The following P2RY8 variants were observed in gnomAD, a reference collection of about 807,000 sequenced individuals.
The protein encoded by P2RY8 is P2Y receptor family member 8.
A neutral mutation model predicts 10.0 loss-of-function variants in P2RY8; 6 were observed. That is an observed-to-expected ratio of 0.60 (90% CI 0.33 to 1.19). The LOEUF is 1.19. P2RY8 is among the 50% of genes most tolerant of loss of function. P2RY8 has a pLI of 0.04. For synonymous variants in P2RY8, 276 were observed against 252.5 expected (o/e 1.09, Z -0.88); for missense variants, 456 against 542.0 (o/e 0.84, Z 1.58).
chrX:1,507,601 G>A (rs1200878238), intron 1 of P2RY8, among the ~76,000 whole-genome samples: 1 of 152,114 alleles, frequency 6.6e-6, no homozygotes, highest in Non-Finnish European at 1.5e-5. Context: ...GAGGCTCGGG[G>A]CCGTGACGGC....
At position 1,463,652 on chromosome X, in the gene P2RY8, G is replaced by A; in HGVS notation, c.*1827C>T. ...GGTTCTGGGCTTTAAAACAAGACAT[G>A]TCTTTCTGGGGCAACTGTTTAGTGC... On this transcript the variant is annotated 3_prime_UTR_variant, in exon 2 of 2. Coordinates refer to ENST00000381297, the MANE Select transcript of P2RY8 (RefSeq NM_178129.5). The A allele has an allele frequency of 4.3e-6, 1 of 232,254 alleles. No homozygotes were observed. The highest frequency in any genetic ancestry group is 6.1e-5 in the East Asian group (1 of 16,472). The allele number at this position is 232,254 out of a possible 1,614,324, so 14.4% of individuals were successfully genotyped here. A position where few individuals can be genotyped will look rare whatever the true frequency, so the allele number is the denominator to read the frequency against.
In P2RY8 at chrX:1,506,141, C is replaced by T. The variant is rs190460209; in HGVS notation, c.-25+30780G>A. Reference sequence around the variant, plus strand: ...CCTAGTAGCTGGGATTATAGGCACCCGCCACCACACCTGGCTAATTTTTGT... The same window carrying T: ...CCTAGTAGCTGGGATTATAGGCACCTGCCACCACACCTGGCTAATTTTTGT... On this transcript the variant is annotated intron_variant, in intron 1 of 1. Coordinates refer to ENST00000381297, the MANE Select transcript of P2RY8 (RefSeq NM_178129.5). 5.6e-4 allele frequency among the ~76,000 whole-genome samples: 85 copies of T among 151,842 alleles called. 3 individuals carry two copies. In the East Asian group the frequency reaches 0.014, roughly 25 times the overall value.
At chrX:1,504,245 G>A (rs764721683) in intron 1 of P2RY8, among the ~76,000 whole-genome samples, 2 of 152,126 alleles carry the variant, frequency 1.3e-5, no homozygotes, top group South Asian at 4.1e-4. Flanking sequence ...GAACCCGGGA[G>A]GCGGAGGTTG....
At chrX:1,532,606 G>A (rs2092487578) in intron 1 of P2RY8, among the ~76,000 whole-genome samples, 1 of 151,864 alleles carries the variant, frequency 6.6e-6, no homozygotes, top group African/African-American at 2.4e-5. Context: ...GGATGAGATT[G>A]GAGACTATTA....
chrX:1,498,392 C>A (rs371187964), intron 1 of P2RY8, among the ~76,000 whole-genome samples: 1 of 115,964 alleles, frequency 8.6e-6, no homozygotes, highest in African/African-American at 3.3e-5. Context: ...GGCGACAGAG[C>A]GAGACTCTGT....
At chrX:1,524,556 T>G (rs1340878541) in intron 1 of P2RY8, among the ~76,000 whole-genome samples, 1 of 107,272 alleles carries the variant, frequency 9.3e-6, no homozygotes, top group African/African-American at 3.6e-5. Flanking sequence ...CATCCATGCA[T>G]GCATCCATCC....
In P2RY8 at chrX:1,505,041, G is replaced by A. The variant is rs2092218217; in HGVS notation, c.-25+31880C>T. The stretch of plus-strand genomic sequence containing the variant: ...TAGTCCCAGCTACTTGGGAGGCTGA[G>A]GCAGGAGAATGGCGTGAACCCGGGA... On this transcript the variant is annotated intron_variant, in intron 1 of 1. Coordinates refer to ENST00000381297, the MANE Select transcript of P2RY8 (RefSeq NM_178129.5). Among the ~76,000 whole-genome samples, 3 of 151,262 alleles carry A rather than the reference G, an allele frequency of 2.0e-5. No individual in the cohort carries two copies. In the Admixed American group the frequency reaches 2.0e-4, roughly 10 times the overall value.
At chrX:1,486,417 C>G (rs1768621412) in intron 1 of P2RY8, among the ~76,000 whole-genome samples, 1 of 152,182 alleles carries the variant, frequency 6.6e-6, no homozygotes. Flanking sequence ...CGAGGCTACA[C>G]TGTGGATGAA....
At position 1,466,430 on chromosome X, in the gene P2RY8, G is replaced by C. The variant is rs1183641761; in HGVS notation, c.129C>G (p.Phe43Leu). Residue 43 changes from phenylalanine (F) to leucine (L), a missense_variant, in exon 2 of 2, where the codon TTC (phenylalanine) becomes TTG (leucine). Transcript: ENST00000381297. ...VAAVSIPGNLFSLWVLCRRMG... is the reference protein window; with the variant it reads ...VAAVSIPGNLLSLWVLCRRMG... ...TGCGCCGGCACAGCACCCACAGAGA[G>C]AAGAGGTTGCCCGGGATGCTGACCG... 1 of 1,613,194 alleles carries C rather than the reference G, an allele frequency of 6.2e-7. No homozygotes were observed. The highest frequency in any genetic ancestry group is 8.5e-7 in the Non-Finnish European group (1 of 1,179,848).
At chrX:1,487,198 G>A (rs1158205643) in intron 1 of P2RY8, among the ~76,000 whole-genome samples, 10 of 152,172 alleles carry the variant, frequency 6.6e-5, no homozygotes, top group Admixed American at 1.3e-4. Flanking sequence ...AGTGAAAGGC[G>A]TCCAAGTTCT....
intron 1 of P2RY8, among the ~76,000 whole-genome samples, chrX:1,488,008 G>A (rs1321917642): frequency 6.6e-5 from 10 of 152,128 alleles, no homozygotes; most frequent in African/African-American, 2.2e-4. Context: ...AACTTGGGAG[G>A]CTGAGGCATG....
chrX:1,504,580 A>C (rs2092212537), intron 1 of P2RY8, among the ~76,000 whole-genome samples: 1 of 152,094 alleles, frequency 6.6e-6, no homozygotes, highest in Non-Finnish European at 1.5e-5. Flanking sequence ...GGCTGGGTGC[A>C]GTGGCTCATG....
Position 1,465,911 on chromosome X carries a change from G to A in P2RY8, c.648C>T (p.Thr216=). 3 of 1,612,488 alleles carry A rather than the reference G, an allele frequency of 1.9e-6. No homozygotes were observed. The highest frequency in any genetic ancestry group is 2.5e-6 in the Non-Finnish European group (3 of 1,179,766). Residue 216 remains threonine (T), a synonymous_variant, in exon 2 of 2, where the codon ACC becomes ACT. Coordinates refer to ENST00000381297, the MANE Select transcript of P2RY8 (RefSeq NM_178129.5). The stretch of plus-strand genomic sequence containing the variant: ...CCTCCGTGCGCAACAGCTTGAGGAT[G>A]GTGGCCGTGTAACAAGCCACGGTGA... ...FVITVACYTA[T]ILKLLRTEEA...
At chrX:1,525,475 G>A (rs757289467) in intron 1 of P2RY8, among the ~76,000 whole-genome samples, 2 of 152,148 alleles carry the variant, frequency 1.3e-5, no homozygotes, top group Non-Finnish European at 2.9e-5. Flanking sequence ...GGGACGTCAA[G>A]GATGGCAGAG....
At chrX:1,497,207 G>A (rs1437457208) in intron 1 of P2RY8, among the ~76,000 whole-genome samples, 3 of 115,746 alleles carry the variant, frequency 2.6e-5, no homozygotes, top group African/African-American at 1.0e-4. Flanking sequence ...GGGGGACAGA[G>A]TGGGACTCCG....
At chrX:1,536,585 C>CG (rs1411094146) in intron 1 of P2RY8, among the ~76,000 whole-genome samples, 1 of 152,186 alleles carries the variant, frequency 6.6e-6, no homozygotes, top group Admixed American at 6.5e-5. Context: ...TTAGTAGAGA[C>CG]GGGGTTTCAC....
intron 1 of P2RY8, among the ~76,000 whole-genome samples, chrX:1,468,725 C>CCTCTCCT: frequency 7.6e-6 from 1 of 132,308 alleles, no homozygotes; most frequent in South Asian, 2.5e-4. Flanking sequence ...GTGGGACCCT[C>CCTCTCCT]CTCTCCTCTC....
chrX:1,513,307 T>A (rs1243059138), intron 1 of P2RY8, among the ~76,000 whole-genome samples: 1 of 152,100 alleles, frequency 6.6e-6, no homozygotes, highest in Non-Finnish European at 1.5e-5. Context: ...TCTTTGCTAT[T>A]GTAAATAGTG....
intron 1 of P2RY8, among the ~76,000 whole-genome samples, chrX:1,528,479 A>C (rs1446869372): frequency 6.6e-6 from 1 of 152,242 alleles, no homozygotes; most frequent in Non-Finnish European, 1.5e-5. Flanking sequence ...AAAGTCTTGC[A>C]TTCATCCTCA....
Sources: gnomAD v4.1 joint callset for allele counts (sites outside exome capture counted in the v4.1 genomes callset) on GRCh38, gnomAD v4.1.1 for gene constraint, MANE v1.5 for transcripts, NCBI Gene and HGNC (gene_info 2026-07-23, HGNC 2026-07-21) for gene names.